Variants in PLCB1 observed in about 807,000 individuals in gnomAD.
PLCB1 encodes phospholipase C beta 1.
Under a neutral mutation model 161.8 loss-of-function variants are expected in PLCB1, and 46 were observed. The observed-to-expected ratio is 0.28, with a 90% confidence interval of 0.22 to 0.36. The LOEUF is 0.36. Among genes scored for constraint, PLCB1 ranks in the 10% least tolerant of loss-of-function variants. The probability of loss-of-function intolerance (pLI) is 1.00; values close to 1 mark genes in which losing one functional copy is unlikely to be tolerated. For missense variants in PLCB1, 1,016 were observed against 1,472.5 expected (o/e 0.69, Z 5.07); for synonymous variants, 517 against 503.7 (o/e 1.03, Z -0.35).
Position 8,481,758 on chromosome 20 carries a change from T to A in PLCB1, c.246+110308T>A, listed in dbSNP as rs75201482. Among the ~76,000 whole-genome samples the A allele has an allele frequency of 3.2e-3, 491 of 152,282 alleles. 2 individuals are homozygous for A. The highest frequency in any genetic ancestry group is 0.011 in the African/African-American group (444 of 41,552). On this transcript the variant is annotated intron_variant, in intron 3 of 31. Transcript: ENST00000338037. ...CTGAATAATATAATGCTGACCATCA[T>A]GGAGTAAGCACTGAACTTATAAATC... is the stretch of plus-strand genomic sequence containing the variant.
chr20:8,774,201 CAAAA>C (rs1437732238), intron 26 of PLCB1, among the ~76,000 whole-genome samples: 1 of 152,060 alleles, frequency 6.6e-6, no homozygotes, highest in South Asian at 2.1e-4. Context: ...TTTAAAATAA[CAAAA>C]AAGATTAAAA....
chr20:8,384,309 G>A (rs1329185799), intron 3 of PLCB1, among the ~76,000 whole-genome samples: 1 of 151,608 alleles, frequency 6.6e-6, no homozygotes, highest in Non-Finnish European at 1.5e-5. Context: ...CTGCTTGATT[G>A]ATTTGGCTAT....
intron 3 of PLCB1, among the ~76,000 whole-genome samples, chr20:8,391,120 T>G (rs1443057614): frequency 6.6e-6 from 1 of 152,068 alleles, no homozygotes; most frequent in Non-Finnish European, 1.5e-5. Flanking sequence ...TAGAATTCCA[T>G]GCACTAATAT....
chr20:8,764,580 C>CT (rs1350102218), intron 25 of PLCB1, among the ~76,000 whole-genome samples: 4 of 152,282 alleles, frequency 2.6e-5, no homozygotes, highest in Admixed American at 6.5e-5. Flanking sequence ...CAGCTCATAA[C>CT]TTCTCCTTCT....
At chr20:8,648,769 ATC>A (rs1989233619) in intron 6 of PLCB1, among the ~76,000 whole-genome samples, 1 of 152,006 alleles carries the variant, frequency 6.6e-6, no homozygotes, top group South Asian at 2.1e-4. Flanking sequence ...GTGAGACTCT[ATC>A]TTTGCAAAAA....
At chr20:8,328,893 T>C (rs1985258534) in intron 2 of PLCB1, among the ~76,000 whole-genome samples, 2 of 152,086 alleles carry the variant, frequency 1.3e-5, no homozygotes, top group Non-Finnish European at 2.9e-5. Context: ...TGACTAACAA[T>C]GTGTGTGTGA....
At position 8,196,350 on chromosome 20, in the gene PLCB1, C is replaced by G. The variant is rs143429110; in HGVS notation, c.177+45979C>G. Among the ~76,000 whole-genome samples the G allele has an allele frequency of 1.7e-4, 26 of 152,228 alleles. No individual in the cohort carries two copies. The East Asian group carries it at 4.8e-3, about 28-fold the overall frequency. On this transcript the variant is annotated intron_variant, in intron 2 of 31. Transcript: ENST00000338037. ...ATTCAAACTCTGTATCATTATTGAG[C>G]AAGCATTTAGTAGCTTGAAATTGTA...
chr20:8,581,512 A>C (rs1986832395), intron 3 of PLCB1, among the ~76,000 whole-genome samples: 1 of 152,310 alleles, frequency 6.6e-6, no homozygotes, highest in South Asian at 2.1e-4. Context: ...TGTGAGATGA[A>C]GTTTTTAATT....
At chr20:8,323,916 C>T (rs1323606367) in intron 2 of PLCB1, among the ~76,000 whole-genome samples, 1 of 151,158 alleles carries the variant, frequency 6.6e-6, no homozygotes, top group African/African-American at 2.4e-5. Flanking sequence ...TATAGTGATG[C>T]TTTTACTAAT....
intron 19 of PLCB1, among the ~76,000 whole-genome samples, chr20:8,735,841 G>T (rs1000803576): frequency 1.6e-4 from 25 of 152,190 alleles, no homozygotes; most frequent in Non-Finnish European, 1.6e-4. Context: ...ACATACAGGG[G>T]AAATGAGTTG....
intron 3 of PLCB1, among the ~76,000 whole-genome samples, chr20:8,593,554 G>A (rs1313857018): frequency 2.6e-5 from 4 of 152,222 alleles, no homozygotes; most frequent in African/African-American, 9.6e-5. Context: ...ATAAATTTTT[G>A]AAGTCCTTAG....
rs752258928 is a variant in PLCB1, at chr20:8,132,794, C to G, written c.99+44C>G. ...CGAGTCGGGGCGCTGGCTCGGGCAC[C>G]GGGCAGGGCGGGCGTCGTGGGGGTG... On this transcript the variant is annotated intron_variant, in intron 1 of 31. Coordinates refer to ENST00000338037, the MANE Select transcript of PLCB1 (RefSeq NM_015192.4). The surrounding 1 kb of genome is among the most constrained non-coding windows in gnomAD (Gnocchi z 5.2). The G allele has an allele frequency of 2.3e-6, 3 of 1,331,828 alleles. No individual in the cohort carries two copies. The highest frequency in any genetic ancestry group is 1.4e-5 in the African/African-American group (1 of 69,160). 82.5% of individuals were successfully genotyped at this position (1,331,828 alleles called of 1,614,324 possible).
At chr20:8,783,023 G>T (rs1386833237) in intron 27 of PLCB1, among the ~76,000 whole-genome samples, 1 of 152,164 alleles carries the variant, frequency 6.6e-6, no homozygotes, top group Admixed American at 6.5e-5. Context: ...GTGAAATTTA[G>T]CAGAGTTGAG....
At chr20:8,503,385 C>T (rs1983506645) in intron 3 of PLCB1, among the ~76,000 whole-genome samples, 1 of 152,072 alleles carries the variant, frequency 6.6e-6, no homozygotes, top group Non-Finnish European at 1.5e-5. Flanking sequence ...CTCTGTCTTC[C>T]TTCTACACAC....
At chr20:8,299,250 C>T (rs1983783166) in intron 2 of PLCB1, among the ~76,000 whole-genome samples, 1 of 152,154 alleles carries the variant, frequency 6.6e-6, no homozygotes, top group East Asian at 1.9e-4. Flanking sequence ...TCCTGACCAA[C>T]ATATAAAGGT....
chr20:8,416,610 A>T (rs1347546397), intron 3 of PLCB1, among the ~76,000 whole-genome samples: 1 of 152,136 alleles, frequency 6.6e-6, no homozygotes, highest in African/African-American at 2.4e-5. Flanking sequence ...TCACAGGAGT[A>T]GGGCTTGTAA....
intron 2 of PLCB1, among the ~76,000 whole-genome samples, chr20:8,354,564 T>C (rs977623132): frequency 2.0e-5 from 3 of 152,276 alleles, no homozygotes; most frequent in Non-Finnish European, 2.9e-5. Context: ...AAAACAAACT[T>C]TTTGTTTATT....
At chr20:8,559,541 A>T (rs556572638) in intron 3 of PLCB1, among the ~76,000 whole-genome samples, 1 of 152,098 alleles carries the variant, frequency 6.6e-6, no homozygotes, top group Admixed American at 6.6e-5. Flanking sequence ...AAAAACAACA[A>T]GAAGATTCAA....
At chr20:8,399,200 G>A (rs539391869) in intron 3 of PLCB1, among the ~76,000 whole-genome samples, 2 of 149,650 alleles carry the variant, frequency 1.3e-5, no homozygotes, top group East Asian at 2.0e-4. Context: ...CTAACTTACC[G>A]TTCTTTTGTC....
Sources: allele counts gnomAD v4.1 joint callset (sites outside exome capture counted in the v4.1 genomes callset), GRCh38; gene constraint gnomAD v4.1.1; non-coding constraint Gnocchi (gnomAD v3.1); transcripts MANE v1.5; gene names NCBI Gene and HGNC (gene_info 2026-07-23, HGNC 2026-07-21).